The following CBLB variants were observed in gnomAD, a reference collection of about 807,000 sequenced individuals.
CBLB encodes Cbl proto-oncogene B, also known as E3 ubiquitin-protein ligase CBL-B.
In CBLB, 31 loss-of-function variants were observed where a neutral mutation model predicts 104.9. The ratio of observed to expected loss-of-function variants is 0.30; its 90% CI spans 0.22 to 0.40. CBLB has a LOEUF of 0.40. CBLB is among the 10% of genes least tolerant of loss of function. CBLB has a pLI of 1.00. For missense variants in CBLB, 1,062 were observed against 1,214.6 expected (o/e 0.87, Z 1.87); for synonymous variants, 440 against 422.6 (o/e 1.04, Z -0.51).
intron 7 of CBLB, among the ~76,000 whole-genome samples, chr3:105,737,572 T>C (rs78848115): frequency 0.022 from 3,408 of 152,278 alleles, 88 homozygotes; most frequent in East Asian, 0.12. Context: ...CATGTTGTAT[T>C]CCAAAACACT....
chr3:105,809,003 A>G (rs1292313096), intron 3 of CBLB, among the ~76,000 whole-genome samples: 12 of 152,212 alleles, frequency 7.9e-5, no homozygotes, highest in Admixed American at 7.9e-4. Context: ...CCATTTAGGA[A>G]CATTCATTCA....
intron 3 of CBLB, among the ~76,000 whole-genome samples, chr3:105,814,309 C>T (rs1241951867): frequency 6.6e-6 from 1 of 152,108 alleles, no homozygotes; most frequent in Non-Finnish European, 1.5e-5. Context: ...TATCAATATA[C>T]CTAAATCATT....
At chr3:105,858,793 T>C (rs1027282265) in intron 2 of CBLB, among the ~76,000 whole-genome samples, 4 of 152,186 alleles carry the variant, frequency 2.6e-5, no homozygotes, top group African/African-American at 9.6e-5. Context: ...AGAACCCTGA[T>C]AGCTGGACTT....
chr3:105,776,585 C>G, intron 3 of CBLB, 43 bp from the exon 4 acceptor site: 1 of 1,560,590 alleles, frequency 6.4e-7, no homozygotes, highest in African/African-American at 1.4e-5. Context: ...AAATAAACAC[C>G]TAGATGCATG....
intron 10 of CBLB, among the ~76,000 whole-genome samples, chr3:105,707,781 T>C (rs1286175526): frequency 6.6e-6 from 1 of 152,072 alleles, no homozygotes; most frequent in Non-Finnish European, 1.5e-5. Flanking sequence ...TTGGATGAGA[T>C]ATTAAAAATT....
chr3:105,795,917 T>C (rs2082206656), intron 3 of CBLB, among the ~76,000 whole-genome samples: 1 of 151,416 alleles, frequency 6.6e-6, no homozygotes, highest in South Asian at 2.1e-4. Flanking sequence ...TTAATTTTTG[T>C]ATTTTTAGTA....
Position 105,760,091 on chromosome 3 carries a change from T to C in CBLB, c.567-8473A>G, listed in dbSNP as rs2152928243. Among the ~76,000 whole-genome samples, 2 of 152,366 alleles carry C rather than the reference T, an allele frequency of 1.3e-5. 1 individual carries two copies. Among genetic ancestry groups the C allele is most frequent in the East Asian group, 3.9e-4 (2 of 5,186 alleles). On this transcript the variant is annotated intron_variant, in intron 4 of 18. Transcript: ENST00000394030. ...ATAGTGTCTTTAGTATTATTTCTAA[T>C]CTTCTCAATTATTTTGTTCACATGA...
At chr3:105,861,908 C>T (rs974072009) in intron 2 of CBLB, among the ~76,000 whole-genome samples, 2 of 152,092 alleles carry the variant, frequency 1.3e-5, no homozygotes, top group Non-Finnish European at 2.9e-5. Flanking sequence ...AATTCAATGA[C>T]TTCTTAATTT....
intron 11 of CBLB, 88 bp from the exon 12 acceptor site, chr3:105,702,547 T>C (rs2069382485): frequency 7.5e-7 from 1 of 1,342,048 alleles, no homozygotes; most frequent in Non-Finnish European, 1.0e-6. Context: ...TAGTGTATTA[T>C]TGCTTTAATT....
At position 105,774,322 on chromosome 3, in the gene CBLB, C is replaced by T. The variant is rs187066582; in HGVS notation, c.566+2074G>A. Among the ~76,000 whole-genome samples the T allele has an allele frequency of 2.0e-3, 301 of 152,192 alleles. 2 individuals carry two copies. Among genetic ancestry groups the T allele is most frequent in the African/African-American group, 7.0e-3 (292 of 41,548 alleles). On this transcript the variant is annotated intron_variant, in intron 4 of 18. Coordinates refer to ENST00000394030, the MANE Select transcript of CBLB (RefSeq NM_170662.5). ...TTCGAAAGGATACACATTATTCATG[C>T]ATATGTCCATTCATTCAATAAAATA...
intron 18 of CBLB, among the ~76,000 whole-genome samples, chr3:105,665,074 T>C (rs1158257721): frequency 2.0e-5 from 3 of 152,168 alleles, no homozygotes; most frequent in Admixed American, 1.3e-4. Context: ...TAAACTTTGT[T>C]ATGTCTTTCT....
rs193034859 is a variant in CBLB at position 105,657,330 on chromosome 3, G to A, written c.*1640C>T. 3.5e-4 allele frequency: 77 copies of A among 217,984 alleles called. 1 individual carries two copies. Among genetic ancestry groups the A allele is most frequent in the African/African-American group, 1.7e-3 (76 of 44,630 alleles). The allele number at this position is 217,984 out of a possible 1,614,324, so 13.5% of individuals were successfully genotyped here. On this transcript the variant is annotated 3_prime_UTR_variant, in exon 19 of 19. Coordinates refer to ENST00000394030, the MANE Select transcript of CBLB (RefSeq NM_170662.5). ...TTTTATATCATGGTGGGTGTGAAGT[G>A]AAAAGAGGAGACACAGAAATATGCA...
intron 3 of CBLB, among the ~76,000 whole-genome samples, chr3:105,824,679 C>T (rs2086334413): frequency 6.6e-6 from 1 of 151,982 alleles, no homozygotes; most frequent in Admixed American, 6.6e-5. Context: ...GATTTTTATG[C>T]CAACTGTGGG....
intron 10 of CBLB, among the ~76,000 whole-genome samples, chr3:105,719,636 G>A (rs2072468688): frequency 6.6e-6 from 1 of 152,158 alleles, no homozygotes; most frequent in South Asian, 2.1e-4. Flanking sequence ...ATATACTTGT[G>A]TACAGTACAT....
chr3:105,702,450 A>C lies in CBLB; in HGVS notation c.1603T>G (p.Cys535Gly), dbSNP rs1232399544. 2.2e-6 allele frequency: 2 copies of C among 916,872 alleles called. No homozygotes were observed. Among genetic ancestry groups the C allele is most frequent in the Non-Finnish European group, 3.4e-6 (2 of 585,034 alleles). 56.8% of individuals were successfully genotyped at this position (916,872 alleles called of 1,614,324 possible). Residue 535 changes from cysteine to glycine, a missense_variant, in exon 12 of 19, where the codon TGC becomes GGC. Coordinates refer to ENST00000394030, the MANE Select transcript of CBLB (RefSeq NM_170662.5). Reference sequence around the variant, plus strand: ...GGTTTATCTTGTTTTCTCACCATGCAAGGAGAAGACTAAAGAAACAGAAGA... The same window carrying C: ...GGTTTATCTTGTTTTCTCACCATGCCAGGAGAAGACTAAAGAAACAGAAGA... ...SPTGSPKSSP[C>G]MVRKQDKPLP...
intron 3 of CBLB, among the ~76,000 whole-genome samples, chr3:105,853,046 C>A (rs1215015274): frequency 6.6e-6 from 1 of 152,102 alleles, no homozygotes; most frequent in Non-Finnish European, 1.5e-5. Context: ...CATACCTTTT[C>A]TATGTTTAGG....
chr3:105,802,475 T>C (rs180925165), intron 3 of CBLB, among the ~76,000 whole-genome samples: 2 of 152,300 alleles, frequency 1.3e-5, no homozygotes, highest in Non-Finnish European at 1.5e-5. Context: ...TAAGAGAAAG[T>C]TGCATGGGTG....
intron 3 of CBLB, among the ~76,000 whole-genome samples, chr3:105,822,852 G>C (rs956189631): frequency 6.6e-6 from 1 of 152,110 alleles, no homozygotes; most frequent in Non-Finnish European, 1.5e-5. Context: ...TAACTTCACT[G>C]CTCCTTAAAT....
intron 2 of CBLB, among the ~76,000 whole-genome samples, chr3:105,856,171 G>A (rs1351409951): frequency 2.6e-5 from 4 of 151,952 alleles, no homozygotes; most frequent in African/African-American, 9.7e-5. Flanking sequence ...CCAACATGGT[G>A]AAACCCTGTC....
Sources: gnomAD v4.1 joint callset for allele counts (sites outside exome capture counted in the v4.1 genomes callset) on GRCh38, gnomAD v4.1.1 for gene constraint, MANE v1.5 for transcripts, NCBI Gene and HGNC (gene_info 2026-07-23, HGNC 2026-07-21) for gene names.